Variants in FPGS observed in about 807,000 individuals in gnomAD.
The protein encoded by FPGS is folylpolyglutamate synthase, mitochondrial.
FPGS carries 53 observed loss-of-function variants against 66.5 expected under a neutral mutation model. The ratio of observed to expected loss-of-function variants is 0.80; its 90% CI spans 0.64 to 1.00. The LOEUF is 1.00. Ranked by LOEUF, FPGS falls within the 50% of genes least tolerant of loss-of-function variation. The pLI is 0.00. For missense variants in FPGS, 702 were observed against 807.7 expected, an observed-to-expected ratio of 0.87 and a Z score of 1.59; for synonymous variants, 348 against 350.9, an observed-to-expected ratio of 0.99 and a Z score of 0.09.
rs1564443337 is a variant in FPGS, at chr9:127,807,831, T to C, written c.744+143T>C. Reference sequence around the variant, plus strand: ...TTGAAACGTGAGGGATGGCTGGGCATGGTGGCTTATATGCTTGCAATCCCA... The same window carrying C: ...TTGAAACGTGAGGGATGGCTGGGCACGGTGGCTTATATGCTTGCAATCCCA... On this transcript the variant is annotated intron_variant, in intron 8 of 14. Transcript: ENST00000373247. This position sits in a 1 kb window ranked among gnomAD's most constrained non-coding sequence, Gnocchi z 5.8. The C allele has an allele frequency of 1.6e-6, 1 of 612,992 alleles. No individual in the cohort carries two copies. The highest frequency in any genetic ancestry group is 1.9e-5 in the African/African-American group (1 of 53,884). 38.0% of individuals were successfully genotyped at this position (612,992 alleles called of 1,614,324 possible).
intron 1 of FPGS, among the ~76,000 whole-genome samples, chr9:127,803,829 G>C (rs1216267294): frequency 6.6e-6 from 1 of 152,186 alleles, no homozygotes; most frequent in African/African-American, 2.4e-5. Flanking sequence ...TTGCTCCTCT[G>C]TGGGTTGGAA....
At chr9:127,812,866 A>C (rs926475810) in intron 14 of FPGS, among the ~76,000 whole-genome samples, 1 of 152,134 alleles carries the variant, frequency 6.6e-6, no homozygotes, top group African/African-American at 2.4e-5. Context: ...AGAAATAACT[A>C]TGCTCACCTG....
At position 127,807,455 on chromosome 9, in the gene FPGS, G is replaced by A; in HGVS notation, c.614G>A (p.Gly205Glu). 3 of 1,614,108 alleles carry A rather than the reference G, an allele frequency of 1.9e-6. No homozygotes were observed. The highest frequency in any genetic ancestry group is 2.5e-6 in the Non-Finnish European group (3 of 1,179,992). Residue 205 changes from glycine to glutamate, a missense_variant, in exon 7 of 15, where the codon GGG (glycine) becomes GAG (glutamate). Physicochemically the swap from Gly to Glu is moderately conservative, Grantham distance 98 (BLOSUM62 -2). This residue lies in a region of FPGS where 240 missense variants were observed against 348.6 expected (regional missense o/e 0.69). Coordinates refer to ENST00000373247, the MANE Select transcript of FPGS (RefSeq NM_004957.6). This position sits in a 1 kb window ranked among gnomAD's most constrained non-coding sequence, Gnocchi z 5.8. Reference sequence around the variant, plus strand: ...GCAGTGGTGGAGGTGGGCATTGGCGGGGCTTATGACTGCACCAACATCATC... The same window carrying A: ...GCAGTGGTGGAGGTGGGCATTGGCGAGGCTTATGACTGCACCAACATCATC... ...DLAVVEVGIG[G>E]AYDCTNIIRK...
intron 8 of FPGS, 21 bp from the exon 9 acceptor site, chr9:127,808,209 TTCTC>T (rs751362851): frequency 2.5e-6 from 4 of 1,595,646 alleles, no homozygotes; most frequent in East Asian, 2.2e-5. Context: ...AGGTAGCCCT[TTCTC>T]TCTCCTTCTT....
chr9:127,809,829 G>C lies in FPGS; in HGVS notation c.1206G>C (p.Pro402=). ...AGGCGCTGCAGGGCCGCGAGAGGCC[G>C]AGCGGGTGAGGGGCAGGGCTGGGGG... ...FRQALQGRER[P]SGGPEVRVLL... Residue 402 remains proline, a synonymous_variant, in exon 12 of 15, where the codon CCG becomes CCC. Transcript: ENST00000373247. 4.2e-6 allele frequency: 6 copies of C among 1,440,664 alleles called. No homozygotes were observed. Among genetic ancestry groups the C allele is most frequent in the Non-Finnish European group, 5.4e-6 (6 of 1,105,718 alleles). The allele number at this position is 1,440,664 out of a possible 1,614,324, so 89.2% of individuals were successfully genotyped here.
chr9:127,803,017 C>T lies in FPGS; in HGVS notation c.93C>T (p.Gly31=), dbSNP rs935695766. Residue 31 remains glycine, a synonymous_variant, in exon 1 of 15, where the codon GGC becomes GGT. Coordinates refer to ENST00000373247, the MANE Select transcript of FPGS (RefSeq NM_004957.6). ...GITTQVAARR[G]LSAWPVPQEP... ...CGACCCAGGTCGCGGCGCGGCGGGG[C>T]TTGAGCGCGTGGCCGGTGCCGCAGG... 5.5e-6 allele frequency: 8 copies of T among 1,465,306 alleles called. No homozygotes were observed. The highest frequency in any genetic ancestry group is 2.5e-5 in the Admixed American group (1 of 39,370). The allele number at this position is 1,465,306 out of a possible 1,614,324, so 90.8% of individuals were successfully genotyped here. A position where few individuals can be genotyped will look rare whatever the true frequency, so the allele number is the denominator to read the frequency against.
intron 1 of FPGS, 45 bp downstream of exon 1, chr9:127,803,107 C>G: frequency 8.2e-6 from 11 of 1,335,260 alleles, no homozygotes; most frequent in East Asian, 3.1e-5. Flanking sequence ...CGCGACGACA[C>G]GTGGGCCTGC....
At chr9:127,802,865 T>TGGGGGCGGGGCGGGGCGTCTC, upstream of FPGS, 1 of 701,912 alleles carries the variant, frequency 1.4e-6, no homozygotes, top group Non-Finnish European at 1.7e-6. Flanking sequence ...GCTGATTGGC[T>TGGGGGCGGGGCGGGGCGTCTC]GGGGGCGGGG....
At chr9:127,812,773 C>T (rs911901726) in intron 14 of FPGS, among the ~76,000 whole-genome samples, 3 of 152,134 alleles carry the variant, frequency 2.0e-5, no homozygotes, top group South Asian at 2.1e-4. Context: ...GTGATCCGCC[C>T]GCCTCGGCCT....
chr9:127,807,644 GA>G lies in FPGS; in HGVS notation c.701del (p.Asp234ValfsTer33), dbSNP rs752640884. 1.9e-6 allele frequency: 3 copies of G among 1,601,810 alleles called. No homozygotes were observed. Among genetic ancestry groups the G allele is most frequent in the Non-Finnish European group, 2.5e-6 (3 of 1,176,780 alleles). Reference protein sequence around the residue: ...LGIDHTSLLGDTVEKIAWQKG... With the variant: ...LGIDHTSLLGXTVEKIAWQKG... The stretch of plus-strand genomic sequence containing the variant: ...CATCGACCACACCAGCCTCCTGGGG[GA>G]TACGGTGGAGAAGATCGCATGGCAG... On this transcript the variant is annotated frameshift_variant, in exon 8 of 15. Coordinates refer to ENST00000373247, the MANE Select transcript of FPGS (RefSeq NM_004957.6). LOFTEE classifies it high-confidence loss of function. This position sits in a 1 kb window ranked among gnomAD's most constrained non-coding sequence, Gnocchi z 5.8.
Position 127,810,925 on chromosome 9 carries a change from T to G in FPGS, c.1288-20T>G. On this transcript the variant is annotated intron_variant, in intron 13 of 14. Transcript: ENST00000373247. ...ATCCTTTCGGGGGTCTGACACCAAG[T>G]CTTTCCCTTGGCCTTCTAGCCCTGC... 1 of 1,483,732 alleles carries G rather than the reference T, an allele frequency of 6.7e-7. No individual in the cohort carries two copies. The highest frequency in any genetic ancestry group is 9.3e-7 in the Non-Finnish European group (1 of 1,077,868). 91.9% of individuals were successfully genotyped at this position (1,483,732 alleles called of 1,614,324 possible). A position where few individuals can be genotyped will look rare whatever the true frequency, so the allele number is the denominator to read the frequency against.
In FPGS at chr9:127,807,948, A is replaced by G. The variant is rs149446104; in HGVS notation, c.744+260A>G. The G allele has an allele frequency of 1.8e-6, 1 of 563,750 alleles. No individual in the cohort carries two copies. Among genetic ancestry groups the G allele is most frequent in the Admixed American group, 3.3e-5 (1 of 30,660 alleles). The allele number at this position is 563,750 out of a possible 1,614,324, so 34.9% of individuals were successfully genotyped here. A position where few individuals can be genotyped will look rare whatever the true frequency, so the allele number is the denominator to read the frequency against. On this transcript the variant is annotated intron_variant, in intron 8 of 14. Coordinates refer to ENST00000373247, the MANE Select transcript of FPGS (RefSeq NM_004957.6). This position sits in a 1 kb window ranked among gnomAD's most constrained non-coding sequence, Gnocchi z 5.8. ...TGGGGAAACTCTGTCTCTACTAAAA[A>G]TACAAAAATTAGCCAGGTGTGGTGG... is the stretch of plus-strand genomic sequence containing the variant.
In FPGS at chr9:127,802,987, C is replaced by T; in HGVS notation, c.63C>T (p.Gly21=). 1 of 1,464,852 alleles carries T rather than the reference C, an allele frequency of 6.8e-7. No homozygotes were observed. The highest frequency in any genetic ancestry group is 1.3e-5 in the South Asian group (1 of 75,504). 90.7% of individuals were successfully genotyped at this position (1,464,852 alleles called of 1,614,324 possible). Residue 21 remains glycine (G), a synonymous_variant, in exon 1 of 15, where the codon GGC becomes GGT. Transcript: ENST00000373247. The part of the protein sequence containing the change: ...ALFLAAASAR[G]ITTQVAARRG... ...TCCTGGCAGCGGCGTCTGCGCGCGG[C>T]ATAACGACCCAGGTCGCGGCGCGGC...
chr9:127,803,000 G>T lies in FPGS; in HGVS notation c.76G>T (p.Val26Phe), dbSNP rs895525821. 6.8e-7 allele frequency: 1 copy of T among 1,466,578 alleles called. No individual in the cohort carries two copies. The highest frequency in any genetic ancestry group is 2.5e-5 in the Admixed American group (1 of 39,376). The allele number at this position is 1,466,578 out of a possible 1,614,324, so 90.8% of individuals were successfully genotyped here. ...GTCTGCGCGCGGCATAACGACCCAG[G>T]TCGCGGCGCGGCGGGGCTTGAGCGC... ...AASARGITTQVAARRGLSAWP... is the reference protein window; with the variant it reads ...AASARGITTQFAARRGLSAWP... Residue 26 changes from valine to phenylalanine, a missense_variant, in exon 1 of 15, where the codon GTC (valine) becomes TTC (phenylalanine). Val to Phe is a conservative substitution (Grantham distance 50). Around this residue, in one of 3 missense-constraint regions of FPGS, gnomAD observed 111 missense variants for 95.4 expected, o/e 1.16. Transcript: ENST00000373247.
At position 127,813,495 on chromosome 9, in the gene FPGS, G is replaced by A. The variant is rs887797356; in HGVS notation, c.1655G>A (p.Ser552Asn). 4 of 1,613,270 alleles carry A rather than the reference G, an allele frequency of 2.5e-6. No homozygotes were observed. In the African/African-American group the frequency reaches 5.3e-5, roughly 21 times the overall value. ...KGLLTHPVAH[S>N]GASILREAAA... is the part of the protein sequence containing the mutation. ...CTCCTCACCCACCCTGTGGCTCACA[G>A]TGGGGCCAGCATACTCCGTGAGGCT... The change falls in exon 15 of 15, where the codon AGT becomes AAT. Residue 552 changes from serine (S) to asparagine (N), a missense_variant. This residue lies in a region of FPGS where 351 missense variants were observed against 363.7 expected (regional missense o/e 0.97). Transcript: ENST00000373247.
rs1829868827 is a variant in FPGS, at chr9:127,807,580, C to T, written c.642-6C>T. On this transcript the variant is annotated splice_polypyrimidine_tract_variant and splice_region_variant and intron_variant, in intron 7 of 14. Coordinates refer to ENST00000373247, the MANE Select transcript of FPGS (RefSeq NM_004957.6). The surrounding 1 kb of genome is among the most constrained non-coding windows in gnomAD (Gnocchi z 5.8). ...CAGGGCCTCATGGCCTTTTCCTCCC[C>T]TGCAGGAAGCCTGTGGTGTGCGGAG... The T allele has an allele frequency of 1.2e-6, 2 of 1,613,290 alleles. No homozygotes were observed. Among genetic ancestry groups the T allele is most frequent in the Admixed American group, 1.7e-5 (1 of 59,822 alleles).
intron 1 of FPGS, among the ~76,000 whole-genome samples, chr9:127,803,878 C>T (rs1829706311): frequency 6.6e-6 from 1 of 152,084 alleles, no homozygotes; most frequent in African/African-American, 2.4e-5. Flanking sequence ...GGTGGAGCTT[C>T]GGGGAACTCC....
intron 11 of FPGS, 57 bp downstream of exon 11, chr9:127,808,946 ATTTTTT>A: frequency 3.8e-5 from 34 of 887,746 alleles, no homozygotes; most frequent in Non-Finnish European, 4.9e-5. Context: ...GCCCCTTCAG[ATTTTTT>A]TTTTTTTTTT....
In FPGS at chr9:127,813,902, CTTA is replaced by C. The variant is rs1328178862; in HGVS notation, c.*301_*303del. 1.7e-6 allele frequency: 2 copies of C among 1,183,764 alleles called. No individual in the cohort carries two copies. The highest frequency in any genetic ancestry group is 3.2e-5 in the African/African-American group (2 of 63,082). The allele number at this position is 1,183,764 out of a possible 1,614,324, so 73.3% of individuals were successfully genotyped here. On this transcript the variant is annotated 3_prime_UTR_variant, in exon 15 of 15. Transcript: ENST00000373247. The stretch of plus-strand genomic sequence containing the variant: ...CGCCTGCCTCCTGGCTCAGGCCCAG[CTTA>C]TTGTGTGCGCTGCCTGGCCAGGCCC...
Sources: allele counts gnomAD v4.1 joint callset (sites outside exome capture counted in the v4.1 genomes callset), GRCh38; gene constraint gnomAD v4.1.1; regional missense constraint gnomAD v4.1.1; non-coding constraint Gnocchi (gnomAD v3.1); transcripts MANE v1.5; gene names NCBI Gene and HGNC (gene_info 2026-07-23, HGNC 2026-07-21).